FGF14: variants seen among roughly 807,000 people sequenced by gnomAD.
The protein encoded by FGF14 is fibroblast growth factor 14, also known as fibroblast growth factor homologous factor 4.
FGF14 carries 5 observed loss-of-function variants against 25.5 expected under a neutral mutation model. That is an observed-to-expected ratio of 0.20 (90% CI 0.10 to 0.41). FGF14 has a LOEUF of 0.41. Ranked by LOEUF, FGF14 falls within the 10% of genes least tolerant of loss-of-function variation. FGF14 has a pLI of 1.00. For synonymous variants in FGF14, 138 were observed against 118.3 expected (o/e 1.17, Z -1.08); for missense variants, 222 against 320.1 (o/e 0.69, Z 2.34).
At chr13:102,075,584 A>ATGGATTTACTATTTATCCAACTGGCTTG in intron 1 of FGF14, among the ~76,000 whole-genome samples, 1 of 152,248 alleles carries the variant, frequency 6.6e-6, no homozygotes, top group Non-Finnish European at 1.5e-5. Flanking sequence ...TATTTGGCTT[A>ATGGATTTACTATTTATCCAACTGGCTTG]TGGATTTACT....
chr13:102,390,114 TAATGATATGAAGTTCTACTATAGGTC>T (rs1387099878), intron 1 of FGF14, among the ~76,000 whole-genome samples: 1 of 152,218 alleles, frequency 6.6e-6, no homozygotes, highest in African/African-American at 2.4e-5. Context: ...CTTCATGATT[TAATGATATGAAGTTCTACTATAGGTC>T]AAACTAAGGG....
At chr13:101,775,527 T>G (rs1015184140) in intron 3 of FGF14, among the ~76,000 whole-genome samples, 4 of 151,584 alleles carry the variant, frequency 2.6e-5, no homozygotes, top group Admixed American at 2.6e-4. Context: ...GGGGTGAGTG[T>G]GTGTGTGTGT....
rs2034695990 is a variant in FGF14, at chr13:101,715,808, T to C, written c.*7023A>G. ...ATTACGAATGAAATCCGAGTACCTA[T>C]TAGAAATGAGTTATGCAAATTTAGA... On this transcript the variant is annotated 3_prime_UTR_variant, in exon 5 of 5. Transcript: ENST00000376143. 3.9e-6 allele frequency: 2 copies of C among 514,664 alleles called. No individual in the cohort carries two copies. The highest frequency in any genetic ancestry group is 6.9e-5 in the South Asian group (2 of 29,038). 31.9% of individuals were successfully genotyped at this position (514,664 alleles called of 1,614,324 possible).
At chr13:101,961,023 C>T (rs2036822677) in intron 1 of FGF14, among the ~76,000 whole-genome samples, 2 of 152,010 alleles carry the variant, frequency 1.3e-5, no homozygotes, top group Admixed American at 6.6e-5. Flanking sequence ...ATCTTTTGCC[C>T]ATTTTTTAAT....
At chr13:102,282,174 C>T (rs140370991) in intron 1 of FGF14, among the ~76,000 whole-genome samples, 3 of 151,474 alleles carry the variant, frequency 2.0e-5, no homozygotes, top group African/African-American at 7.3e-5. Flanking sequence ...TCAAGAGATT[C>T]TCCTGCCTCA....
intron 1 of FGF14, among the ~76,000 whole-genome samples, chr13:102,077,009 G>GTC (rs1455432278): frequency 1.3e-5 from 2 of 152,130 alleles, no homozygotes; most frequent in Non-Finnish European, 2.9e-5. Context: ...GGACAAAGAT[G>GTC]TCAATAACAC....
At chr13:102,358,409 A>G (rs920500901) in intron 1 of FGF14, among the ~76,000 whole-genome samples, 4 of 152,232 alleles carry the variant, frequency 2.6e-5, no homozygotes, top group Non-Finnish European at 5.9e-5. Flanking sequence ...TTCCTAACTT[A>G]CAGGCTTGTA....
At chr13:102,253,650 G>T (rs550307246) in intron 1 of FGF14, among the ~76,000 whole-genome samples, 3 of 152,206 alleles carry the variant, frequency 2.0e-5, no homozygotes, top group African/African-American at 7.2e-5. Flanking sequence ...ATTTTGCTGT[G>T]CAGAAGCTCT....
intron 1 of FGF14, among the ~76,000 whole-genome samples, chr13:102,024,201 T>C (rs547372306): frequency 3.3e-5 from 5 of 152,228 alleles, no homozygotes; most frequent in East Asian, 1.9e-4. Context: ...AAGAACTGTA[T>C]GTGTTTTCCA....
chr13:101,803,308 T>A (rs1196531975), intron 3 of FGF14, among the ~76,000 whole-genome samples: 1 of 151,704 alleles, frequency 6.6e-6, no homozygotes, highest in Non-Finnish European at 1.5e-5. Context: ...AAAAAAAAAA[T>A]TATGGAATTG....
At chr13:102,013,189 G>C (rs947739622) in intron 1 of FGF14, among the ~76,000 whole-genome samples, 1 of 151,850 alleles carries the variant, frequency 6.6e-6, no homozygotes, top group African/African-American at 2.4e-5. Flanking sequence ...AAACACCAGA[G>C]ATAAAAAGAA....
At chr13:101,814,382 C>A (rs2140201166) in intron 3 of FGF14, among the ~76,000 whole-genome samples, 1 of 152,282 alleles carries the variant, frequency 6.6e-6, no homozygotes, top group East Asian at 1.9e-4. Context: ...TATGCAAAAG[C>A]AGTTATGTGA....
At chr13:102,129,015 GGAAGTTGCA>G (rs2046070138) in intron 1 of FGF14, among the ~76,000 whole-genome samples, 3 of 151,972 alleles carry the variant, frequency 2.0e-5, no homozygotes, top group Admixed American at 1.3e-4. Flanking sequence ...CCAGGGAGGT[GGAAGTTGCA>G]GAAGTTGCAC....
intron 1 of FGF14, among the ~76,000 whole-genome samples, chr13:101,980,442 A>C (rs541250943): frequency 6.6e-6 from 1 of 152,322 alleles, no homozygotes; most frequent in African/African-American, 2.4e-5. Flanking sequence ...ATGTAAAAGA[A>C]GTCTACTGTA....
intron 2 of FGF14, among the ~76,000 whole-genome samples, chr13:101,870,297 C>T (rs776542138): frequency 6.6e-6 from 1 of 151,956 alleles, no homozygotes; most frequent in African/African-American, 2.4e-5. Context: ...GTTTAGAACA[C>T]CTGAACTGTA....
intron 1 of FGF14, among the ~76,000 whole-genome samples, chr13:102,204,817 T>C (rs1166851794): frequency 6.6e-6 from 1 of 152,092 alleles, no homozygotes; most frequent in East Asian, 1.9e-4. Flanking sequence ...AGTGCTAGGA[T>C]TGGTGCAAGG....
At chr13:101,896,537 CA>C (rs2030705846) in intron 1 of FGF14, among the ~76,000 whole-genome samples, 1 of 152,152 alleles carries the variant, frequency 6.6e-6, no homozygotes, top group Non-Finnish European at 1.5e-5. Context: ...TGAGAGGCAG[CA>C]AAAGGCTCCA....
At chr13:101,987,954 T>C (rs902888242) in intron 1 of FGF14, among the ~76,000 whole-genome samples, 7 of 152,020 alleles carry the variant, frequency 4.6e-5, no homozygotes, top group Non-Finnish European at 8.8e-5. Context: ...GTTGAGTGAA[T>C]AGCTATGATG....
At chr13:102,083,991 G>A (rs947643351) in intron 1 of FGF14, among the ~76,000 whole-genome samples, 4 of 151,998 alleles carry the variant, frequency 2.6e-5, no homozygotes, top group East Asian at 1.9e-4. Flanking sequence ...CTTAATCTCC[G>A]AGTTCATCTC....
Sources: gnomAD v4.1 joint callset for allele counts (sites outside exome capture counted in the v4.1 genomes callset) on GRCh38, gnomAD v4.1.1 for gene constraint, MANE v1.5 for transcripts, NCBI Gene and HGNC (gene_info 2026-07-23, HGNC 2026-07-21) for gene names.